Variants in ORC4 observed in about 807,000 individuals in gnomAD.
ORC4 encodes the protein origin recognition complex subunit 4.
ORC4 carries 55 observed loss-of-function variants against 63.9 expected under a neutral mutation model. The ratio of observed to expected loss-of-function variants is 0.86; its 90% confidence interval spans 0.69 to 1.08. ORC4 has a LOEUF of 1.08. ORC4 is among the 50% of genes least tolerant of loss of function. The pLI is 0.00. For missense variants in ORC4, 511 were observed against 504.4 expected, an observed-to-expected ratio of 1.01 and a Z score of -0.13; for synonymous variants, 150 against 168.5, an observed-to-expected ratio of 0.89 and a Z score of 0.85.
intron 1 of ORC4, among the ~76,000 whole-genome samples, chr2:148,000,060 G>GA (rs1026205358): frequency 1.4e-4 from 19 of 134,882 alleles, no homozygotes; most frequent in African/African-American, 1.6e-4. Flanking sequence ...AAAGTATGAA[G>GA]AAAAAAAAAA....
At chr2:147,998,397 A>T (rs539912544) in intron 1 of ORC4, among the ~76,000 whole-genome samples, 2 of 152,186 alleles carry the variant, frequency 1.3e-5, no homozygotes, top group African/African-American at 4.8e-5. Context: ...GATGCCTCAT[A>T]AATGGCTCAG....
chr2:147,958,527 TTCGG>T, intron 5 of ORC4, 144 bp from the exon 6 acceptor site: 1 of 648,366 alleles, frequency 1.5e-6, no homozygotes, highest in African/African-American at 1.8e-5. Context: ...AATAAAGACA[TTCGG>T]TAGAATCAAA....
At chr2:147,951,127 T>C (rs1197018552) in intron 8 of ORC4, among the ~76,000 whole-genome samples, 1 of 152,076 alleles carries the variant, frequency 6.6e-6, no homozygotes, top group Non-Finnish European at 1.5e-5. Flanking sequence ...AGTCACTCTA[T>C]AGAGAAACAG....
intron 1 of ORC4, among the ~76,000 whole-genome samples, chr2:147,999,195 T>C (rs539476541): frequency 5.9e-5 from 9 of 152,314 alleles, no homozygotes; most frequent in Admixed American, 2.6e-4. Flanking sequence ...CAGAAGCCTC[T>C]AACCCACTTC....
intron 1 of ORC4, among the ~76,000 whole-genome samples, chr2:147,997,431 C>T (rs960604068): frequency 6.6e-6 from 1 of 152,044 alleles, no homozygotes; most frequent in African/African-American, 2.4e-5. Flanking sequence ...CATTTATATA[C>T]CAAAGTAAGA....
At chr2:147,966,196 T>G (rs1185018931) in intron 4 of ORC4, among the ~76,000 whole-genome samples, 1 of 151,812 alleles carries the variant, frequency 6.6e-6, no homozygotes, top group African/African-American at 2.4e-5. Flanking sequence ...TTACTAAAAC[T>G]TAAGGAACAC....
At chr2:147,954,287 G>A (rs1056987927) in intron 7 of ORC4, among the ~76,000 whole-genome samples, 5 of 152,234 alleles carry the variant, frequency 3.3e-5, no homozygotes, top group East Asian at 1.9e-4. Flanking sequence ...AAATACAGTC[G>A]TGTGTCCCTT....
intron 4 of ORC4, among the ~76,000 whole-genome samples, chr2:147,961,392 G>A (rs1433321345): frequency 2.0e-5 from 3 of 150,518 alleles, no homozygotes; most frequent in East Asian, 2.0e-4. Context: ...AGTCTAGATC[G>A]TGCCACTGCA....
At chr2:147,952,239 A>G (rs531684083) in intron 8 of ORC4, 134 bp downstream of exon 8, 2 of 642,200 alleles carry the variant, frequency 3.1e-6, no homozygotes, top group East Asian at 5.5e-5. Flanking sequence ...TGAAAGCAGG[A>G]TAAATACACC....
In ORC4 at chr2:147,973,478, C is replaced by A; in HGVS notation, c.104G>T (p.Ser35Ile). 1 of 1,606,946 alleles carries A rather than the reference C, an allele frequency of 6.2e-7. No homozygotes were observed. Among genetic ancestry groups the A allele is most frequent in the East Asian group, 2.2e-5 (1 of 44,754 alleles). The change falls in exon 3 of 14, where the codon AGT becomes ATT. Residue 35 changes from serine (S) to isoleucine (I), a missense_variant. Transcript: ENST00000392857. ...RERFCRQSPH[S>I]NLFGVQVQYK... ...TTGTACTTGCACTCCAAATAGGTTA[C>A]TATGTGGACTCTGACGACAAAATCT...
chr2:147,963,698 C>A lies in ORC4; in HGVS notation c.226-4832G>T, dbSNP rs141077449. 1.9e-3 allele frequency among the ~76,000 whole-genome samples: 292 copies of A among 152,252 alleles called. 2 individuals carry two copies. The highest frequency in any genetic ancestry group is 6.7e-3 in the African/African-American group (278 of 41,534). On this transcript the variant is annotated intron_variant, in intron 4 of 13. Transcript: ENST00000392857. ...TTAATAGCCCCATCTGCCAGTGTGT[C>A]AGATCCCAAGGTGATTGACCCACCA...
At chr2:148,007,016 A>T (rs1331616683) in intron 1 of ORC4, among the ~76,000 whole-genome samples, 1 of 152,210 alleles carries the variant, frequency 6.6e-6, no homozygotes, top group Non-Finnish European at 1.5e-5. Flanking sequence ...GTCCATCAGG[A>T]CTGTGTATGT....
At chr2:147,983,333 G>T (rs1691001435) in intron 1 of ORC4, among the ~76,000 whole-genome samples, 1 of 152,162 alleles carries the variant, frequency 6.6e-6, no homozygotes, top group African/African-American at 2.4e-5. Context: ...GAGCCAATGG[G>T]GTTAATGAAT....
chr2:148,015,729 T>C (rs1344959092), intron 1 of ORC4, among the ~76,000 whole-genome samples: 1 of 152,140 alleles, frequency 6.6e-6, no homozygotes, highest in African/African-American at 2.4e-5. Context: ...TTTTGGACTA[T>C]GGAAATGATG....
chr2:147,933,669 CAAAT>C lies in ORC4; in HGVS notation c.*1837_*1840del, dbSNP rs1687891987. 1 of 152,014 alleles carries C rather than the reference CAAAT, an allele frequency of 6.6e-6. No homozygotes were observed. Among genetic ancestry groups the C allele is most frequent in the African/African-American group, 2.4e-5 (1 of 41,410 alleles). 9.4% of individuals were successfully genotyped at this position (152,014 alleles called of 1,614,324 possible). On this transcript the variant is annotated 3_prime_UTR_variant, in exon 14 of 14. Transcript: ENST00000392857. ...TTCATGAGGCTGTTACCCTTTAAGA[CAAAT>C]AATACTTTCCTCAAATAGTTCAGAA...
In ORC4 at chr2:147,952,519, G is replaced by A. The variant is rs1689015743; in HGVS notation, c.442C>T (p.Arg148Ter). The change falls in exon 8 of 14, where the codon CGA (arginine) becomes TGA (stop). Residue 148 changes from arginine to a stop codon, truncating the protein, a stop_gained. Coordinates refer to ENST00000392857, the MANE Select transcript of ORC4 (RefSeq NM_181741.4). LOFTEE classifies it high-confidence loss of function. ...AAGATCACTGGGCAACTGCTAGTTC[G>A]GTCACCTAAGATAAAATAAGAGCAT... is the stretch of plus-strand genomic sequence containing the variant. ...FLLEALKKGDRTSSCPVIFIL... is the reference protein window; with the variant it reads ...FLLEALKKGD 3 of 1,605,022 alleles carry A rather than the reference G, an allele frequency of 1.9e-6. No homozygotes were observed. The highest frequency in any genetic ancestry group is 1.7e-6 in the Non-Finnish European group (2 of 1,172,010).
chr2:148,017,762 A>G (rs1311084040), intron 1 of ORC4, among the ~76,000 whole-genome samples: 1 of 152,236 alleles, frequency 6.6e-6, no homozygotes, highest in Non-Finnish European at 1.5e-5. Context: ...TTCCAAACAT[A>G]CAGGTTTTAC....
In ORC4 at chr2:147,958,768, T is replaced by G. The variant is rs1403381156; in HGVS notation, c.301+23A>C. ...CCCACAAAGTTTACATAATCTCCAA[T>G]GGCAAAATAATGGCATACTTACCAT... On this transcript the variant is annotated intron_variant, in intron 5 of 13. Transcript: ENST00000392857. The G allele has an allele frequency of 2.5e-6, 3 of 1,189,430 alleles. No individual in the cohort carries two copies. In the Admixed American group the frequency reaches 5.1e-5, roughly 20 times the overall value. 73.7% of individuals were successfully genotyped at this position (1,189,430 alleles called of 1,614,324 possible).
chr2:147,961,039 C>T (rs1689562073), intron 4 of ORC4, among the ~76,000 whole-genome samples: 1 of 151,748 alleles, frequency 6.6e-6, no homozygotes, highest in Non-Finnish European at 1.5e-5. Flanking sequence ...GACAGTTTGG[C>T]CAAGTATAGT....
Sources: gnomAD v4.1 joint callset for allele counts (sites outside exome capture counted in the v4.1 genomes callset) on GRCh38, gnomAD v4.1.1 for gene constraint, MANE v1.5 for transcripts, NCBI Gene and HGNC (gene_info 2026-07-23, HGNC 2026-07-21) for gene names.